SLC35F4: variants seen among roughly 807,000 people sequenced by gnomAD.
SLC35F4 encodes the protein solute carrier family 35 member F4.
SLC35F4 carries 24 observed loss-of-function variants against 44.2 expected under a neutral mutation model. That is an observed-to-expected ratio of 0.54 (90% CI 0.39 to 0.76). SLC35F4 has a LOEUF of 0.76. Among genes scored for constraint, SLC35F4 ranks in the 30% least tolerant of loss-of-function variants. SLC35F4 has a pLI of 0.00. For synonymous variants in SLC35F4, 238 were observed against 223.6 expected, an observed-to-expected ratio of 1.06 and a Z score of -0.57; for missense variants, 562 against 586.1, an observed-to-expected ratio of 0.96 and a Z score of 0.42.
rs1300735332 is a variant in SLC35F4, at chr14:57,925,477, A to AGAAGGAAGGAAGGAAG, written n.282+56420_282+56435dup. Among the ~76,000 whole-genome samples, 59 of 106,820 alleles carry AGAAGGAAGGAAGGAAG rather than the reference A, an allele frequency of 5.5e-4. 2 individuals carry two copies. Among genetic ancestry groups the AGAAGGAAGGAAGGAAG allele is most frequent in the African/African-American group, 1.9e-3 (54 of 28,472 alleles). 70.1% of individuals were successfully genotyped at this position (106,820 alleles called of 152,430 possible). ...GATTCTCCTAAGAAATGGGAAGGAA[A>AGAAGGAAGGAAGGAAG]GAAGGAAGGAAGGAAGGAAGGGAGG... is the stretch of plus-strand genomic sequence containing the variant. On this transcript the variant is annotated intron_variant and non_coding_transcript_variant, in intron 1 of 1. Transcript: ENST00000556568.
intron 1 of SLC35F4, among the ~76,000 whole-genome samples, chr14:57,776,638 C>G (rs2077495051): frequency 7.8e-6 from 1 of 128,180 alleles, no homozygotes. Flanking sequence ...TGCACTCCAG[C>G]TTGGGCAGCA....
Position 57,901,133 on chromosome 14 carries a change from G to A in SLC35F4, n.282+80780C>T, listed in dbSNP as rs188677135. The stretch of plus-strand genomic sequence containing the variant: ...GTGGCGATTCTTCAAAGACCTAGAG[G>A]CAGAAATACCATTTGTCCCAGCAAT... On this transcript the variant is annotated intron_variant and non_coding_transcript_variant, in intron 1 of 1. Coordinates refer to the SLC35F4 transcript ENST00000556568. Among the ~76,000 whole-genome samples the A allele has an allele frequency of 4.9e-3, 750 of 152,224 alleles. 2 individuals carry two copies. The highest frequency in any genetic ancestry group is 0.017 in the African/African-American group (691 of 41,538).
chr14:57,744,556 A>G (rs980946058), intron 1 of SLC35F4, among the ~76,000 whole-genome samples: 3 of 152,152 alleles, frequency 2.0e-5, no homozygotes, highest in Non-Finnish European at 4.4e-5. Flanking sequence ...ACTACAAACC[A>G]CTGCTCAATG....
At chr14:57,899,799 T>C (rs1566924982) in intron 1 of SLC35F4, among the ~76,000 whole-genome samples, 6 of 152,156 alleles carry the variant, frequency 3.9e-5, no homozygotes, top group Admixed American at 3.9e-4. Context: ...TCGTGGTCTC[T>C]CTGACTTCAA....
Position 57,811,223 on chromosome 14 carries a change from G to C in SLC35F4, c.103+54500C>G, listed in dbSNP as rs1179254649. Among the ~76,000 whole-genome samples the C allele has an allele frequency of 2.6e-5, 4 of 152,292 alleles. No homozygotes were observed. In the East Asian group the frequency reaches 7.7e-4, roughly 29 times the overall value. On this transcript the variant is annotated intron_variant, in intron 1 of 7. Transcript: ENST00000556826. ...AAAAGTGGGCACCAAAGTTTAGAAA[G>C]GTGGGGAAAGGTAGAGTGGAAAGAT... is the stretch of plus-strand genomic sequence containing the variant.
chr14:57,630,524 T>C, intron 1 of SLC35F4: 2 of 1,128,558 alleles, frequency 1.8e-6, no homozygotes, highest in Non-Finnish European at 2.7e-6. Context: ...TAGAGGCACC[T>C]CAAAAATAGA....
intron 4 of SLC35F4, among the ~76,000 whole-genome samples, chr14:57,572,558 C>T (rs894406186): frequency 3.9e-5 from 6 of 152,278 alleles, no homozygotes; most frequent in South Asian, 2.1e-4. Flanking sequence ...AATAAATTCT[C>T]ATAGAGATGT....
intron 1 of SLC35F4, among the ~76,000 whole-genome samples, chr14:57,755,397 C>T (rs948871534): frequency 1.2e-4 from 18 of 152,136 alleles, no homozygotes; most frequent in Non-Finnish European, 2.6e-4. Flanking sequence ...GAGAGGCAAG[C>T]ACAATCTAAA....
At chr14:57,832,689 T>G (rs1884501290) in intron 1 of SLC35F4, among the ~76,000 whole-genome samples, 2 of 152,172 alleles carry the variant, frequency 1.3e-5, no homozygotes, top group South Asian at 4.1e-4. Context: ...GCACAATACT[T>G]TTACCAACTC....
At chr14:57,618,626 C>A (rs2140082024) in intron 1 of SLC35F4, among the ~76,000 whole-genome samples, 1 of 152,326 alleles carries the variant, frequency 6.6e-6, no homozygotes, top group East Asian at 1.9e-4. Context: ...TGGGCAGACA[C>A]CAAGTTAGCT....
intron 1 of SLC35F4, among the ~76,000 whole-genome samples, chr14:57,950,304 T>C (rs1890111333): frequency 1.3e-5 from 2 of 152,148 alleles, no homozygotes; most frequent in South Asian, 4.1e-4. Context: ...TTTCTTCTAC[T>C]TGTTCTAGTC....
intron 1 of SLC35F4, among the ~76,000 whole-genome samples, chr14:57,979,843 T>G (rs981016520): frequency 1.3e-5 from 2 of 152,198 alleles, no homozygotes; most frequent in Non-Finnish European, 2.9e-5. Flanking sequence ...GAGCTGATTG[T>G]GCGTATCTTT....
intron 1 of SLC35F4, among the ~76,000 whole-genome samples, chr14:57,722,296 G>A (rs913613756): frequency 3.9e-5 from 6 of 152,186 alleles, no homozygotes; most frequent in Admixed American, 6.5e-5. Flanking sequence ...GGCCCACTGT[G>A]AGTGAGCTGG....
At chr14:57,794,501 C>T (rs760828509) in intron 1 of SLC35F4, among the ~76,000 whole-genome samples, 5 of 152,082 alleles carry the variant, frequency 3.3e-5, no homozygotes, top group Admixed American at 2.0e-4. Flanking sequence ...GAGATACCAC[C>T]TTACCTCAGC....
chr14:57,588,180 A>T (rs1423775831), intron 3 of SLC35F4, among the ~76,000 whole-genome samples: 1 of 152,212 alleles, frequency 6.6e-6, no homozygotes, highest in East Asian at 1.9e-4. Flanking sequence ...TGGAAATGGA[A>T]TTTGAAGATA....
chr14:57,967,240 G>GT (rs1397199786), intron 1 of SLC35F4, among the ~76,000 whole-genome samples: 1 of 151,184 alleles, frequency 6.6e-6, no homozygotes, highest in African/African-American at 2.5e-5. Context: ...TTTTAATTGT[G>GT]TAAGTATAAA....
chr14:57,936,704 G>A (rs1020687343), intron 1 of SLC35F4, among the ~76,000 whole-genome samples: 2 of 138,190 alleles, frequency 1.4e-5, no homozygotes, highest in African/African-American at 3.4e-5. Context: ...GGTTTGGAAA[G>A]TCTGCACTAG....
At chr14:57,723,352 A>C (rs1316782016) in intron 1 of SLC35F4, among the ~76,000 whole-genome samples, 1 of 152,224 alleles carries the variant, frequency 6.6e-6, no homozygotes, top group African/African-American at 2.4e-5. Flanking sequence ...GAAAAATAGT[A>C]AATCAAAAAC....
intron 1 of SLC35F4, among the ~76,000 whole-genome samples, chr14:57,600,873 A>G (rs1327950024): frequency 6.6e-6 from 1 of 151,984 alleles, no homozygotes; most frequent in African/African-American, 2.4e-5. Context: ...TTTTTCATAG[A>G]AACCCACATG....
Sources: gnomAD v4.1 joint callset for allele counts (sites outside exome capture counted in the v4.1 genomes callset) on GRCh38, gnomAD v4.1.1 for gene constraint, MANE v1.5 for transcripts, NCBI Gene and HGNC (gene_info 2026-07-23, HGNC 2026-07-21) for gene names.